Variants in SMARCA2 observed in about 807,000 individuals in gnomAD.
SMARCA2 encodes the protein SWI/SNF-related matrix-associated actin-dependent regulator of chromatin subfamily A member 2.
A neutral mutation model predicts 199.8 loss-of-function variants in SMARCA2; 61 were observed. The observed-to-expected ratio is 0.31, with a 90% CI of 0.25 to 0.38. The LOEUF (loss-of-function observed/expected upper bound fraction) is 0.38, where lower values mean the gene tolerates loss of function less well. Ranked by LOEUF, SMARCA2 falls within the 10% of genes least tolerant of loss-of-function variation. SMARCA2 has a pLI of 1.00. For missense variants in SMARCA2, 1,344 were observed against 2,012.2 expected (o/e 0.67, Z 6.35); for synonymous variants, 935 against 732.0 (o/e 1.28, Z -4.48).
intron 32 of SMARCA2, among the ~76,000 whole-genome samples, chr9:2,187,957 T>G (rs1827597782): frequency 6.6e-6 from 1 of 151,970 alleles, no homozygotes; most frequent in Non-Finnish European, 1.5e-5. Context: ...ATAAACAAAT[T>G]TATGTGTGGA....
At position 2,123,789 on chromosome 9, in the gene SMARCA2, A is replaced by T; in HGVS notation, c.3833A>T (p.Asp1278Val). 6.2e-7 allele frequency: 1 copy of T among 1,614,012 alleles called. No individual in the cohort carries two copies. Among genetic ancestry groups the T allele is most frequent in the Non-Finnish European group, 8.5e-7 (1 of 1,179,942 alleles). Residue 1278 changes from aspartate to valine, a missense_variant, in exon 27 of 34, where the codon GAT (aspartate) becomes GTT (valine). This residue lies in a region of SMARCA2 where 63 missense variants were observed against 83.3 expected (regional missense o/e 0.76). Transcript: ENST00000349721. This position sits in a 1 kb window ranked among gnomAD's most constrained non-coding sequence, Gnocchi z 4.1. ...CGGAAGCCCCGTTTAATGGAGGAGG[A>T]TGAGCTGCCCTCCTGGATCATTAAG... ...PKRKPRLMEEDELPSWIIKDD... is the reference protein window; with the variant it reads ...PKRKPRLMEEVELPSWIIKDD...
Position 2,047,476 on chromosome 9 carries a change from G to T in SMARCA2, c.1038G>T (p.Arg346=). Residue 346 remains arginine, a synonymous_variant, in exon 5 of 34, where the codon CGG becomes CGT. Transcript: ENST00000349721. The part of the protein sequence containing the change: ...GLDPVEILQE[R]EYRLQARIAH... ...ACCCCGTGGAAATTCTGCAAGAGCG[G>T]GAATACAGGTAACGCACCCCGCCAG... The T allele has an allele frequency of 6.6e-7, 1 of 1,515,204 alleles. No homozygotes were observed. The highest frequency in any genetic ancestry group is 1.4e-5 in the African/African-American group (1 of 70,550). The allele number at this position is 1,515,204 out of a possible 1,614,324, so 93.9% of individuals were successfully genotyped here.
At chr9:2,182,574 A>G (rs1341085843) in intron 31 of SMARCA2, among the ~76,000 whole-genome samples, 1 of 140,320 alleles carries the variant, frequency 7.1e-6, no homozygotes, top group Non-Finnish European at 1.5e-5. Flanking sequence ...GCTCATGGCA[A>G]CCTCCGCCTC....
intron 27 of SMARCA2, chr9:2,157,612 A>G: frequency 3.0e-6 from 1 of 332,552 alleles, no homozygotes; most frequent in Non-Finnish European, 5.4e-6. Context: ...GGATATCTTT[A>G]GAATTGCTCC....
intron 3 of SMARCA2, 75 bp downstream of exon 3, chr9:2,033,156 A>G: frequency 6.6e-7 from 1 of 1,521,180 alleles, no homozygotes; most frequent in Non-Finnish European, 8.9e-7. Flanking sequence ...TATTTTAATT[A>G]TGAATTCCAA....
At chr9:2,085,556 C>G (rs1821765252) in intron 17 of SMARCA2, among the ~76,000 whole-genome samples, 1 of 151,964 alleles carries the variant, frequency 6.6e-6, no homozygotes, top group Non-Finnish European at 1.5e-5. Context: ...TCTTTTCATG[C>G]TGTTGGTAAG....
chr9:2,051,879 C>T lies in SMARCA2; in HGVS notation c.1047-2718C>T, dbSNP rs139148451. 5.5e-4 allele frequency among the ~76,000 whole-genome samples: 83 copies of T among 152,146 alleles called. No individual in the cohort carries two copies. In the East Asian group the frequency reaches 0.013, roughly 23 times the overall value. On this transcript the variant is annotated intron_variant, in intron 5 of 33. Coordinates refer to ENST00000349721, the MANE Select transcript of SMARCA2 (RefSeq NM_003070.5). Reference sequence around the variant, plus strand: ...AATCAATAGTGGATTTTTTTCTTTACATCTTAATTGTTAAGATGCATCATC... The same window carrying T: ...AATCAATAGTGGATTTTTTTCTTTATATCTTAATTGTTAAGATGCATCATC...
intron 27 of SMARCA2, among the ~76,000 whole-genome samples, chr9:2,133,621 A>G (rs1200548120): frequency 6.6e-6 from 1 of 151,252 alleles, no homozygotes; most frequent in Non-Finnish European, 1.5e-5. Flanking sequence ...CAATAAGGCT[A>G]CATGTTTCAG....
intron 27 of SMARCA2, among the ~76,000 whole-genome samples, chr9:2,149,947 A>G (rs1298111826): frequency 1.3e-5 from 2 of 151,542 alleles, no homozygotes; most frequent in African/African-American, 4.8e-5. Flanking sequence ...ATGAGTGTAC[A>G]TTTCAAGTTG....
Position 2,054,239 on chromosome 9 carries a change from G to T in SMARCA2, c.1047-358G>T, listed in dbSNP as rs141832051. Among the ~76,000 whole-genome samples the T allele has an allele frequency of 5.2e-3, 790 of 152,340 alleles. 1 individual carries two copies. Among genetic ancestry groups the T allele is most frequent in the Middle Eastern group, 0.024 (7 of 294 alleles). ...TGCTCTCAGCTCTGCATTCTGTCTGGCTGGGAGTTAGAAAGCTTGTCAATT... is the reference window on the plus strand; with the variant it reads ...TGCTCTCAGCTCTGCATTCTGTCTGTCTGGGAGTTAGAAAGCTTGTCAATT... On this transcript the variant is annotated intron_variant, in intron 5 of 33. Transcript: ENST00000349721.
chr9:2,172,663 G>A (rs527261355), intron 29 of SMARCA2, among the ~76,000 whole-genome samples: 1 of 152,192 alleles, frequency 6.6e-6, no homozygotes, highest in Middle Eastern at 3.4e-3. Flanking sequence ...TCTAGGAGTG[G>A]GGTCTTGAGG....
intron 27 of SMARCA2, among the ~76,000 whole-genome samples, chr9:2,139,397 T>C (rs1824358808): frequency 6.6e-6 from 1 of 152,162 alleles, no homozygotes; most frequent in African/African-American, 2.4e-5. Flanking sequence ...ATGGTCCTCA[T>C]GTGCTAAGTT....
chr9:2,072,685 C>A (rs1016207465), intron 10 of SMARCA2, among the ~76,000 whole-genome samples: 1 of 152,144 alleles, frequency 6.6e-6, no homozygotes, highest in Non-Finnish European at 1.5e-5. Context: ...TACAAATGAC[C>A]AAAATCAAGT....
intron 19 of SMARCA2, among the ~76,000 whole-genome samples, chr9:2,096,386 A>G (rs1563765424): frequency 6.6e-6 from 1 of 152,174 alleles, no homozygotes; most frequent in Non-Finnish European, 1.5e-5. Flanking sequence ...CTCTCTCTCA[A>G]ATTTGGAACC....
intron 31 of SMARCA2, 81 bp downstream of exon 31, chr9:2,182,323 AC>A: frequency 1.2e-6 from 1 of 842,130 alleles, no homozygotes; most frequent in Non-Finnish European, 2.0e-6. Flanking sequence ...TTCATTTTCT[AC>A]CTCTTGAATC....
intron 3 of SMARCA2, among the ~76,000 whole-genome samples, chr9:2,037,786 T>C (rs7037373): frequency 0.16 from 23,706 of 152,214 alleles, 2,227 homozygotes; most frequent in African/African-American, 0.25. Context: ...TGTAATGCCA[T>C]ATTCTGGGAC....
chr9:2,182,694 C>T (rs959498703), intron 31 of SMARCA2, among the ~76,000 whole-genome samples: 1 of 152,010 alleles, frequency 6.6e-6, no homozygotes, highest in Non-Finnish European at 1.5e-5. Context: ...GGAGTTTCAC[C>T]ATGTTGGCCA....
chr9:2,088,465 TA>T (rs746851422), intron 18 of SMARCA2, 34 bp from the exon 19 acceptor site: 1 of 1,551,866 alleles, frequency 6.4e-7, no homozygotes, highest in Admixed American at 2.4e-5. Context: ...TCCTTTTCTT[TA>T]AAAAATCAAA....
In SMARCA2 at chr9:2,093,883, A is replaced by G. The variant is rs532414941; in HGVS notation, c.2884-2774A>G. Among the ~76,000 whole-genome samples, 37 of 152,358 alleles carry G rather than the reference A, an allele frequency of 2.4e-4. 1 individual carries two copies. The highest frequency in any genetic ancestry group is 8.7e-4 in the African/African-American group (36 of 41,584). ...GTAACTCATATCTTGAGACATTAAT[A>G]TTAGTGCATGCATATAGTAATTCAT... On this transcript the variant is annotated intron_variant, in intron 19 of 33. Transcript: ENST00000349721.
Sources: allele counts gnomAD v4.1 joint callset (sites outside exome capture counted in the v4.1 genomes callset), GRCh38; gene constraint gnomAD v4.1.1; regional missense constraint gnomAD v4.1.1; non-coding constraint Gnocchi (gnomAD v3.1); transcripts MANE v1.5; gene names NCBI Gene and HGNC (gene_info 2026-07-23, HGNC 2026-07-21).